The following CORO2B variants were observed in gnomAD, a reference collection of about 807,000 sequenced individuals.
The protein encoded by CORO2B is coronin-2B.
In CORO2B, 26 loss-of-function variants were observed where a neutral mutation model predicts 58.8. The ratio of observed to expected loss-of-function variants is 0.44; its 90% CI spans 0.32 to 0.61. The LOEUF is 0.61. CORO2B is among the 20% of genes least tolerant of loss of function. CORO2B has a pLI of 0.04. For missense variants in CORO2B, 460 were observed against 645.1 expected (o/e 0.71, Z 3.11); for synonymous variants, 242 against 253.8 (o/e 0.95, Z 0.44).
At chr15:68,600,426 C>G (rs1488468378) in intron 1 of CORO2B, among the ~76,000 whole-genome samples, 2 of 152,160 alleles carry the variant, frequency 1.3e-5, no homozygotes, top group African/African-American at 4.8e-5. Context: ...GCTCCCTTCC[C>G]ACCAGCAGAC....
chr15:68,557,474 C>A, the CORO2B span, among the ~76,000 whole-genome samples: 3 of 152,100 alleles, frequency 2.0e-5, no homozygotes, highest in Non-Finnish European at 4.4e-5. Flanking sequence ...AGCGGCCAGT[C>A]TATCCAAGGT....
chr15:68,614,635 G>A (rs1465278975), intron 1 of CORO2B, among the ~76,000 whole-genome samples: 2 of 152,224 alleles, frequency 1.3e-5, no homozygotes, highest in Non-Finnish European at 2.9e-5. Context: ...CACGGTCAAG[G>A]ATGTGTCTGG....
chr15:68,652,807 G>A (rs576697015), intron 2 of CORO2B, among the ~76,000 whole-genome samples: 9 of 152,276 alleles, frequency 5.9e-5, no homozygotes, highest in African/African-American at 1.2e-4. Flanking sequence ...AAGACTGCAC[G>A]GCCCACAAGT....
At chr15:68,722,540 G>A (rs2140336664) in intron 11 of CORO2B, among the ~76,000 whole-genome samples, 1 of 152,268 alleles carries the variant, frequency 6.6e-6, no homozygotes, top group Admixed American at 6.5e-5. Context: ...AGCTTAAAAT[G>A]AGTGACTTTT....
chr15:68,584,764 G>C (rs1283549573), intron 1 of CORO2B, among the ~76,000 whole-genome samples: 1 of 152,124 alleles, frequency 6.6e-6, no homozygotes, highest in Admixed American at 6.5e-5. Context: ...TCCTTCCCCT[G>C]TAGGCCCTGC....
intron 1 of CORO2B, among the ~76,000 whole-genome samples, chr15:68,585,504 A>G (rs1490320268): frequency 1.3e-5 from 2 of 152,164 alleles, no homozygotes; most frequent in African/African-American, 4.8e-5. Context: ...GAGTAGGTGA[A>G]CGGCTCAAGG....
chr15:68,567,749 C>T, the CORO2B span, among the ~76,000 whole-genome samples: 1 of 152,192 alleles, frequency 6.6e-6, no homozygotes, highest in Non-Finnish European at 1.5e-5. Context: ...AGGCTGGGCA[C>T]GGTGGCTCAT....
At chr15:68,701,351 G>C (rs948298986) in intron 3 of CORO2B, among the ~76,000 whole-genome samples, 1 of 151,022 alleles carries the variant, frequency 6.6e-6, no homozygotes, top group Non-Finnish European at 1.5e-5. Flanking sequence ...TCGCTCTGTC[G>C]CCCAGTCTGG....
upstream of CORO2B, chr15:68,578,985 C>T: frequency 1.0e-6 from 1 of 971,978 alleles, no homozygotes; most frequent in South Asian, 4.8e-5. This position sits in a 1 kb window ranked among gnomAD's most constrained non-coding sequence, Gnocchi z 4.2. Context: ...CTCTCCCTCT[C>T]TCCCTTTCTT....
the CORO2B span, among the ~76,000 whole-genome samples, chr15:68,546,751 T>A: frequency 6.6e-6 from 1 of 152,196 alleles, no homozygotes; most frequent in African/African-American, 2.4e-5. Flanking sequence ...CCTGCCCCCT[T>A]CTTGTCTTAT....
At chr15:68,587,047 T>TAC (rs1491576017) in intron 1 of CORO2B, among the ~76,000 whole-genome samples, 14 of 141,832 alleles carry the variant, frequency 9.9e-5, no homozygotes, top group Admixed American at 6.3e-4. Context: ...GGGAGATATG[T>TAC]ATACACACAC....
chr15:68,572,976 TGCACAGATAC>T, the CORO2B span, among the ~76,000 whole-genome samples: 2 of 152,062 alleles, frequency 1.3e-5, no homozygotes, highest in African/African-American at 4.8e-5. Flanking sequence ...TGCACACACA[TGCACAGATAC>T]ATACAGTCCT....
At chr15:68,593,661 GT>G (rs71455598) in intron 1 of CORO2B, among the ~76,000 whole-genome samples, 67 of 144,142 alleles carry the variant, frequency 4.6e-4, no homozygotes, top group South Asian at 1.3e-3. Flanking sequence ...CTCTGGGTTT[GT>G]TTTTTTTTTT....
At chr15:68,656,833 AC>A (rs1345564807) in intron 2 of CORO2B, among the ~76,000 whole-genome samples, 1 of 152,122 alleles carries the variant, frequency 6.6e-6, no homozygotes, top group African/African-American at 2.4e-5. Context: ...GCTAGTCCTA[AC>A]CCCGAGGCTG....
intron 1 of CORO2B, among the ~76,000 whole-genome samples, chr15:68,627,521 T>G (rs552513283): frequency 6.6e-6 from 1 of 152,144 alleles, no homozygotes; most frequent in East Asian, 1.9e-4. Context: ...CTCTTGGGGT[T>G]GGGGAGGTGG....
intron 1 of CORO2B, among the ~76,000 whole-genome samples, chr15:68,586,238 A>G (rs12437455): frequency 0.68 from 103,129 of 151,990 alleles, 35,236 homozygotes; most frequent in East Asian, 0.86. Flanking sequence ...AGCACTTACC[A>G]TATGCCTGAC....
chr15:68,690,104 C>A (rs35412971), intron 2 of CORO2B, among the ~76,000 whole-genome samples: 39,862 of 152,200 alleles, frequency 0.26, 5,559 homozygotes, highest in African/African-American at 0.34. Flanking sequence ...GTGACTATTA[C>A]ATTTGCATAG....
At chr15:68,629,415 C>T (rs900686406) in intron 1 of CORO2B, among the ~76,000 whole-genome samples, 7 of 152,194 alleles carry the variant, frequency 4.6e-5, no homozygotes, top group East Asian at 1.9e-4. Context: ...TTCTCACAAA[C>T]GTGCCCTGTG....
upstream of CORO2B, among the ~76,000 whole-genome samples, chr15:68,576,421 G>A (rs1245630737): frequency 6.6e-6 from 1 of 152,122 alleles, no homozygotes; most frequent in Non-Finnish European, 1.5e-5. Flanking sequence ...ATTACATTTG[G>A]CTCAAGCTGC....
Sources: allele counts gnomAD v4.1 joint callset (sites outside exome capture counted in the v4.1 genomes callset), GRCh38; gene constraint gnomAD v4.1.1; non-coding constraint Gnocchi (gnomAD v3.1); transcripts MANE v1.5; gene names NCBI Gene and HGNC (gene_info 2026-07-23, HGNC 2026-07-21).